ZSWIM6: variants seen among roughly 807,000 people sequenced by gnomAD.
ZSWIM6 encodes zinc finger SWIM-type containing 6, also known as zinc finger SWIM domain-containing protein 6.
Under a neutral mutation model 113.2 loss-of-function variants are expected in ZSWIM6, and 9 were observed. That is an observed-to-expected ratio of 0.08 (90% CI 0.05 to 0.14). The LOEUF is 0.14. ZSWIM6 is among the 10% of genes least tolerant of loss of function. ZSWIM6 has a pLI of 1.00. For synonymous variants in ZSWIM6, 611 were observed against 606.5 expected (o/e 1.01, Z -0.11); for missense variants, 1,162 against 1,552.2 (o/e 0.75, Z 4.22).
At chr5:61,470,242 A>G (rs1747534983) in intron 1 of ZSWIM6, among the ~76,000 whole-genome samples, 1 of 152,178 alleles carries the variant, frequency 6.6e-6, no homozygotes, top group Non-Finnish European at 1.5e-5. Flanking sequence ...GTGGGAAGAG[A>G]CTGATTTTAT....
chr5:61,450,463 A>G (rs1206280153), intron 1 of ZSWIM6, among the ~76,000 whole-genome samples: 1 of 152,218 alleles, frequency 6.6e-6, no homozygotes, highest in Non-Finnish European at 1.5e-5. Context: ...TGATTTATTT[A>G]AAAATAAATA....
chr5:61,391,163 T>G, intron 1 of ZSWIM6: 1 of 797,120 alleles, frequency 1.3e-6, no homozygotes, highest in Non-Finnish European at 2.3e-6. Context: ...AGCTTCTTGG[T>G]GTGCCAACGA....
intron 1 of ZSWIM6, among the ~76,000 whole-genome samples, chr5:61,381,855 C>T (rs756874272): frequency 9.0e-4 from 137 of 152,082 alleles, no homozygotes; most frequent in Non-Finnish European, 3.4e-4. Context: ...TAATACAATC[C>T]GTTCAAAACA....
intron 1 of ZSWIM6, among the ~76,000 whole-genome samples, chr5:61,431,191 G>A (rs1746572290): frequency 6.6e-6 from 1 of 151,794 alleles, no homozygotes; most frequent in African/African-American, 2.4e-5. Context: ...CCAACATGAT[G>A]AAACCCTGTC....
At chr5:61,383,566 C>T (rs1387484289) in intron 1 of ZSWIM6, among the ~76,000 whole-genome samples, 4 of 151,564 alleles carry the variant, frequency 2.6e-5, no homozygotes, top group African/African-American at 9.7e-5. Context: ...GACGGAATCT[C>T]GCTCTGTTGC....
chr5:61,535,610 G>A lies in ZSWIM6; in HGVS notation c.2372G>A (p.Arg791Lys), dbSNP rs896435221. The A allele has an allele frequency of 2.6e-6, 4 of 1,551,016 alleles. No homozygotes were observed. The highest frequency in any genetic ancestry group is 2.7e-5 in the African/African-American group (2 of 73,010). Residue 791 changes from arginine (R) to lysine (K), a missense_variant, in exon 10 of 14, where the codon AGA becomes AAA. Physicochemically the swap from Arg to Lys is conservative, Grantham distance 26. Coordinates refer to ENST00000252744, the MANE Select transcript of ZSWIM6 (RefSeq NM_020928.2). The stretch of plus-strand genomic sequence containing the variant: ...GAATTGGCATACAAAATTGCACTGA[G>A]AGCAATGCGGTATGTATTCACAGCC... ...DAELAYKIAL[R>K]AMRLLVLEST...
intron 1 of ZSWIM6, among the ~76,000 whole-genome samples, chr5:61,432,844 C>T (rs1045969496): frequency 5.3e-5 from 8 of 151,768 alleles, no homozygotes; most frequent in African/African-American, 1.9e-4. Flanking sequence ...AGGAAGCCAA[C>T]AAAACAAAAA....
chr5:61,365,632 T>C (rs961947883), intron 1 of ZSWIM6, among the ~76,000 whole-genome samples: 5 of 152,216 alleles, frequency 3.3e-5, no homozygotes, highest in African/African-American at 1.2e-4. Context: ...TTGAAGACTT[T>C]GTCTCACAGT....
rs1012234139 is a variant in ZSWIM6 at position 61,490,965 on chromosome 5, T to C, written c.1182+31T>C. On this transcript the variant is annotated intron_variant, in intron 3 of 13. Transcript: ENST00000252744. ...ATTGTCTATTTCTAAAGAAATATTCTAAATATATACATATATAGGGACTAT... is the reference window on the plus strand; with the variant it reads ...ATTGTCTATTTCTAAAGAAATATTCCAAATATATACATATATAGGGACTAT... 2.7e-6 allele frequency: 4 copies of C among 1,500,396 alleles called. No homozygotes were observed. In the African/African-American group the frequency reaches 5.8e-5, roughly 22 times the overall value. 92.9% of individuals were successfully genotyped at this position (1,500,396 alleles called of 1,614,324 possible).
chr5:61,448,156 A>T (rs549037282), intron 1 of ZSWIM6, among the ~76,000 whole-genome samples: 2 of 152,360 alleles, frequency 1.3e-5, no homozygotes, highest in Admixed American at 1.3e-4. Flanking sequence ...GTTTATTCAA[A>T]AGAAACCATA....
chr5:61,490,997 A>G, intron 3 of ZSWIM6, 63 bp downstream of exon 3: 1 of 1,405,532 alleles, frequency 7.1e-7, no homozygotes, highest in Non-Finnish European at 9.4e-7. Flanking sequence ...CTATCTGAAT[A>G]TGATCATGTC....
chr5:61,510,192 C>T (rs2053693), intron 4 of ZSWIM6, among the ~76,000 whole-genome samples: 57,851 of 151,014 alleles, frequency 0.38, 11,200 homozygotes, highest in South Asian at 0.45. Context: ...TGCTTGGAAA[C>T]ATAAAACAAT....
intron 1 of ZSWIM6, among the ~76,000 whole-genome samples, chr5:61,358,389 A>AT (rs1744964574): frequency 6.6e-6 from 1 of 152,154 alleles, no homozygotes; most frequent in South Asian, 2.1e-4. Context: ...TTGAAGCAGT[A>AT]TTGTTTTAAA....
chr5:61,352,790 G>C (rs1055408185), intron 1 of ZSWIM6, among the ~76,000 whole-genome samples: 5 of 152,160 alleles, frequency 3.3e-5, no homozygotes, highest in African/African-American at 9.7e-5. Context: ...ATGTATTACA[G>C]GGAAAAACCA....
intron 1 of ZSWIM6, among the ~76,000 whole-genome samples, chr5:61,406,735 C>A (rs1205303461): frequency 8.5e-6 from 1 of 118,268 alleles, no homozygotes; most frequent in Non-Finnish European, 1.8e-5. Flanking sequence ...TATTTTGAGA[C>A]AGAGTCTTGC....
At chr5:61,436,157 C>T (rs185622589) in intron 1 of ZSWIM6, among the ~76,000 whole-genome samples, 4 of 150,076 alleles carry the variant, frequency 2.7e-5, no homozygotes, top group Admixed American at 1.3e-4. Context: ...GCCGAGATTG[C>T]GCCATTGCAC....
At chr5:61,344,769 C>A (rs1483266228) in intron 1 of ZSWIM6, among the ~76,000 whole-genome samples, 2 of 152,170 alleles carry the variant, frequency 1.3e-5, no homozygotes, top group African/African-American at 4.8e-5. Context: ...GGCACCAGGC[C>A]ACGACGGCAC....
At chr5:61,454,365 C>T (rs1025959106) in intron 1 of ZSWIM6, among the ~76,000 whole-genome samples, 3 of 151,886 alleles carry the variant, frequency 2.0e-5, no homozygotes, top group African/African-American at 7.3e-5. Context: ...AAGCTATCCT[C>T]CTGCTTCAGC....
intron 1 of ZSWIM6, among the ~76,000 whole-genome samples, chr5:61,413,320 AT>A (rs1746183589): frequency 6.6e-6 from 1 of 151,370 alleles, no homozygotes; most frequent in Non-Finnish European, 1.5e-5. Context: ...ATGATTTCCA[AT>A]TTCATCCATG....
Sources: allele counts gnomAD v4.1 joint callset (sites outside exome capture counted in the v4.1 genomes callset), GRCh38; gene constraint gnomAD v4.1.1; transcripts MANE v1.5; gene names NCBI Gene and HGNC (gene_info 2026-07-23, HGNC 2026-07-21).